BCL9: variants seen among roughly 807,000 people sequenced by gnomAD.
The protein encoded by BCL9 is BCL9 transcription coactivator.
BCL9 carries 25 observed loss-of-function variants against 88.5 expected under a neutral mutation model. The ratio of observed to expected loss-of-function variants is 0.28; its 90% CI spans 0.21 to 0.39. The LOEUF (loss-of-function observed/expected upper bound fraction) is 0.39, where lower values mean the gene tolerates loss of function less well. BCL9 is among the 10% of genes least tolerant of loss of function. The probability of loss-of-function intolerance (pLI) is 1.00; values close to 1 mark genes in which losing one functional copy is unlikely to be tolerated. For synonymous variants in BCL9, 711 were observed against 673.3 expected, an observed-to-expected ratio of 1.06 and a Z score of -0.87; for missense variants, 1,817 against 1,877.8, an observed-to-expected ratio of 0.97 and a Z score of 0.60.
intron 1 of BCL9, among the ~76,000 whole-genome samples, chr1:147,587,423 C>G (rs782107093): frequency 6.6e-6 from 1 of 152,298 alleles, no homozygotes; most frequent in South Asian, 2.1e-4. Flanking sequence ...GCTCTTTGCA[C>G]CTCTGCCGTT....
Position 147,624,883 on chromosome 1 carries a change from C to A in BCL9, c.4205C>A (p.Pro1402His). The change falls in exon 10 of 10, where the codon CCC becomes CAC. Residue 1402 changes from proline (P) to histidine (H), a missense_variant. By Grantham distance (77) the Pro-to-His change is moderately conservative. Transcript: ENST00000234739. The surrounding 1 kb of genome is among the most constrained non-coding windows in gnomAD (Gnocchi z 4.4). The part of the protein sequence containing the change: ...QNIMIPPQMR[P>H]RGMAADVGMG... ...ATCATGATCCCCCCACAGATGAGGC[C>A]CCGGGGCATGGCTGCTGACGTGGGC... 1 of 1,614,126 alleles carries A rather than the reference C, an allele frequency of 6.2e-7. No homozygotes were observed. Among genetic ancestry groups the A allele is most frequent in the Non-Finnish European group, 8.5e-7 (1 of 1,180,004 alleles).
chr1:147,552,938 A>T (rs782233848), intron 1 of BCL9, among the ~76,000 whole-genome samples: 14 of 150,546 alleles, frequency 9.3e-5, no homozygotes, highest in Non-Finnish European at 1.8e-4. Context: ...TTATTCATCT[A>T]CTCTTTGAGA....
chr1:147,613,313 A>G, intron 5 of BCL9, 114 bp downstream of exon 5: 1 of 1,018,608 alleles, frequency 9.8e-7, no homozygotes, highest in East Asian at 2.4e-5. Flanking sequence ...GAGAGTAGGT[A>G]TCAGATTCAT....
At chr1:147,558,734 T>C (rs1655232941) in intron 1 of BCL9, among the ~76,000 whole-genome samples, 1 of 152,204 alleles carries the variant, frequency 6.6e-6, no homozygotes, top group African/African-American at 2.4e-5. Flanking sequence ...GGACATGATA[T>C]AGAAATCTCT....
chr1:147,541,864 A>G (rs1258027887), intron 1 of BCL9, among the ~76,000 whole-genome samples, 190 bp downstream of exon 1: 1 of 150,606 alleles, frequency 6.6e-6, no homozygotes, highest in African/African-American at 2.4e-5. Context: ...CCCCAGTAAC[A>G]CGATCTGTGC....
rs1654316816 is a variant in BCL9, at chr1:147,541,536, C to G, written c.-616C>G. ...AGACAATAGGCCCCTAAAGTGTTCC[C>G]CCTAAGTTGCTTTGATGTTGTCCTG... On this transcript the variant is annotated 5_prime_UTR_variant, in exon 1 of 10. Coordinates refer to ENST00000234739, the MANE Select transcript of BCL9 (RefSeq NM_004326.4). The G allele has an allele frequency of 6.6e-6, 1 of 152,120 alleles. No individual in the cohort carries two copies. Among genetic ancestry groups the G allele is most frequent in the Non-Finnish European group, 1.5e-5 (1 of 68,088 alleles). 9.4% of individuals were successfully genotyped at this position (152,120 alleles called of 1,614,324 possible).
chr1:147,547,773 G>A (rs1404255921), intron 1 of BCL9, among the ~76,000 whole-genome samples: 2 of 152,182 alleles, frequency 1.3e-5, no homozygotes, highest in Non-Finnish European at 2.9e-5. Context: ...GTTTAGTGAA[G>A]TGGACATGCC....
chr1:147,619,340 A>C lies in BCL9; in HGVS notation c.1185A>C (p.Leu395Phe), dbSNP rs374903206. 19 of 1,614,012 alleles carry C rather than the reference A, an allele frequency of 1.2e-5. No homozygotes were observed. In the South Asian group the frequency reaches 1.9e-4, roughly 16 times the overall value. The change falls in exon 8 of 10, where the codon TTA (leucine) becomes TTC (phenylalanine). Residue 395 changes from leucine to phenylalanine, a missense_variant. Transcript: ENST00000234739. The surrounding 1 kb of genome is among the most constrained non-coding windows in gnomAD (Gnocchi z 4.1). ...GACCGCAGCAGAATCCTGGGGTATT[A>C]GATGGGCCTCAGAAAAAACCAGAAG... is the stretch of plus-strand genomic sequence containing the variant. ...SGGPQQNPGVLDGPQKKPEGP... is the reference protein window; with the variant it reads ...SGGPQQNPGVFDGPQKKPEGP...
Position 147,618,815 on chromosome 1 carries a change from G to A in BCL9, c.661-1G>A, listed in dbSNP as rs1213658249. On this transcript the variant is annotated splice_acceptor_variant, in intron 7 of 9. Coordinates refer to ENST00000234739, the MANE Select transcript of BCL9 (RefSeq NM_004326.4). LOFTEE classifies it high-confidence loss of function. ...TTTTTAAACTATTTGTTTGTCTTCAGAACACACAGATATCTGCCCTTCGGA... is the reference window on the plus strand; with the variant it reads ...TTTTTAAACTATTTGTTTGTCTTCAAAACACACAGATATCTGCCCTTCGGA... The A allele has an allele frequency of 6.5e-7, 1 of 1,530,370 alleles. No homozygotes were observed. Among genetic ancestry groups the A allele is most frequent in the Non-Finnish European group, 8.8e-7 (1 of 1,141,000 alleles). The allele number at this position is 1,530,370 out of a possible 1,614,324, so 94.8% of individuals were successfully genotyped here.
intron 1 of BCL9, among the ~76,000 whole-genome samples, chr1:147,582,695 CATAA>C (rs1180923183): frequency 5.3e-5 from 8 of 152,298 alleles, no homozygotes; most frequent in Admixed American, 2.0e-4. Flanking sequence ...TTTCAGTGTC[CATAA>C]ATAAAGTATT....
chr1:147,593,589 AT>A (rs1553200164), intron 1 of BCL9, among the ~76,000 whole-genome samples: 1 of 152,216 alleles, frequency 6.6e-6, no homozygotes, highest in African/African-American at 2.4e-5. Flanking sequence ...TGATCCCAAC[AT>A]CAGGGGAGTT....
Position 147,624,350 on chromosome 1 carries a change from C to T in BCL9, c.3672C>T (p.Ile1224=), listed in dbSNP as rs1167161373. Residue 1224 remains isoleucine, a synonymous_variant, in exon 10 of 10, where the codon ATC becomes ATT. Transcript: ENST00000234739. This position sits in a 1 kb window ranked among gnomAD's most constrained non-coding sequence, Gnocchi z 4.4. ...CAGACCCAGATCTGCAGGAGGTCAT[C>T]CGACCTGGAGCCACCGGAATACCTG... The part of the protein sequence containing the change: ...VFTDPDLQEV[I]RPGATGIPEF... 1 of 1,614,052 alleles carries T rather than the reference C, an allele frequency of 6.2e-7. No homozygotes were observed. The highest frequency in any genetic ancestry group is 8.5e-7 in the Non-Finnish European group (1 of 1,180,040).
intron 1 of BCL9, among the ~76,000 whole-genome samples, chr1:147,547,033 T>C (rs1017047851): frequency 6.6e-6 from 1 of 152,180 alleles, no homozygotes; most frequent in Non-Finnish European, 1.5e-5. Flanking sequence ...ACATGTTGTT[T>C]TGAGGATGCA....
In BCL9 at chr1:147,619,906, G is replaced by A. The variant is rs1553204818; in HGVS notation, c.1751G>A (p.Arg584Lys). The stretch of plus-strand genomic sequence containing the variant: ...CCGAATGTCCCCAACCCTGCATCTA[G>A]ACCAGGTCTTTCTGGAGTCAGTTGG... ...EGPNVPNPAS[R>K]PGLSGVSWPD... The change falls in exon 8 of 10, where the codon AGA becomes AAA. Residue 584 changes from arginine (R) to lysine (K), a missense_variant. Arg to Lys is a conservative substitution (Grantham distance 26, BLOSUM62 2). Around this residue, in one of 2 missense-constraint regions of BCL9, gnomAD observed 1,228 missense variants for 1,191.6 expected, o/e 1.03. Coordinates refer to ENST00000234739, the MANE Select transcript of BCL9 (RefSeq NM_004326.4). The surrounding 1 kb of genome is among the most constrained non-coding windows in gnomAD (Gnocchi z 4.1). 1 of 1,614,068 alleles carries A rather than the reference G, an allele frequency of 6.2e-7. No homozygotes were observed. Among genetic ancestry groups the A allele is most frequent in the Non-Finnish European group, 8.5e-7 (1 of 1,180,048 alleles).
chr1:147,561,064 A>G (rs1160964876), intron 1 of BCL9, among the ~76,000 whole-genome samples: 1 of 152,228 alleles, frequency 6.6e-6, no homozygotes, highest in Non-Finnish European at 1.5e-5. Context: ...TCTTTGTTCC[A>G]AAGCAAAGTC....
At chr1:147,581,518 C>T (rs1378602935) in intron 1 of BCL9, among the ~76,000 whole-genome samples, 1 of 152,202 alleles carries the variant, frequency 6.6e-6, no homozygotes, top group Non-Finnish European at 1.5e-5. Flanking sequence ...AGAATTTCAT[C>T]CTTCTAAAGT....
chr1:147,588,597 C>T (rs890544359), intron 1 of BCL9, among the ~76,000 whole-genome samples: 8 of 151,962 alleles, frequency 5.3e-5, no homozygotes, highest in South Asian at 2.1e-4. Flanking sequence ...ATCCATGGGG[C>T]GGGGTGGGGC....
intron 1 of BCL9, among the ~76,000 whole-genome samples, chr1:147,566,155 G>A (rs1447874083): frequency 6.6e-6 from 1 of 152,162 alleles, no homozygotes; most frequent in Admixed American, 6.5e-5. Context: ...TGCTGGAAAA[G>A]CATTTCTAAA....
intron 1 of BCL9, among the ~76,000 whole-genome samples, chr1:147,552,783 C>T (rs1215056813): frequency 2.0e-5 from 3 of 152,036 alleles, no homozygotes; most frequent in Admixed American, 1.3e-4. Context: ...AATGAAATAC[C>T]CTGTTCTACG....
Sources: allele counts gnomAD v4.1 joint callset (sites outside exome capture counted in the v4.1 genomes callset), GRCh38; gene constraint gnomAD v4.1.1; regional missense constraint gnomAD v4.1.1; non-coding constraint Gnocchi (gnomAD v3.1); transcripts MANE v1.5; gene names NCBI Gene and HGNC (gene_info 2026-07-23, HGNC 2026-07-21).